Variants in CHCHD6 observed in about 807,000 individuals in gnomAD.
The protein encoded by CHCHD6 is coiled-coil-helix-coiled-coil-helix domain containing 6.
CHCHD6 carries 28 observed loss-of-function variants against 32.3 expected under a neutral mutation model. The ratio of observed to expected loss-of-function variants is 0.87; its 90% CI spans 0.64 to 1.19. The LOEUF is 1.19. Ranked by LOEUF, CHCHD6 falls within the 50% of genes most tolerant of loss-of-function variation. The pLI is 0.00. For synonymous variants in CHCHD6, 122 were observed against 117.5 expected (o/e 1.04, Z -0.25); for missense variants, 333 against 307.0 (o/e 1.08, Z -0.63).
At chr3:126,729,656 A>G (rs1002376624) in intron 2 of CHCHD6, among the ~76,000 whole-genome samples, 3 of 151,922 alleles carry the variant, frequency 2.0e-5, no homozygotes, top group African/African-American at 7.3e-5. Context: ...CTCCCATGAG[A>G]GGTGGTTTGA....
chr3:126,803,781 C>T (rs527770906), intron 4 of CHCHD6, among the ~76,000 whole-genome samples: 1,817 of 152,318 alleles, frequency 0.012, 21 homozygotes, highest in Middle Eastern at 0.048. Flanking sequence ...CACCACACCA[C>T]ACCTATTCCA....
At chr3:126,888,023 GTA>G (rs1195369045) in intron 5 of CHCHD6, among the ~76,000 whole-genome samples, 1 of 152,198 alleles carries the variant, frequency 6.6e-6, no homozygotes, top group Admixed American at 6.5e-5. Context: ...TTCTAGTCAT[GTA>G]TATGTGAGCG....
intron 4 of CHCHD6, among the ~76,000 whole-genome samples, chr3:126,743,334 C>G (rs1936357173): frequency 6.6e-6 from 1 of 152,112 alleles, no homozygotes; most frequent in African/African-American, 2.4e-5. Flanking sequence ...TGGAGCCTCC[C>G]CCATTACCAA....
intron 4 of CHCHD6, among the ~76,000 whole-genome samples, chr3:126,805,035 T>G (rs1428071288): frequency 6.6e-6 from 1 of 152,142 alleles, no homozygotes; most frequent in Non-Finnish European, 1.5e-5. Flanking sequence ...AAATTAGGTA[T>G]TGATGGGACG....
intron 4 of CHCHD6, among the ~76,000 whole-genome samples, chr3:126,765,377 C>T (rs933615574): frequency 2.6e-5 from 4 of 152,186 alleles, no homozygotes; most frequent in Non-Finnish European, 5.9e-5. Flanking sequence ...ACAGCGAGCT[C>T]GGGCACAGGC....
At chr3:126,844,189 C>A (rs1559876589) in intron 4 of CHCHD6, among the ~76,000 whole-genome samples, 1 of 152,148 alleles carries the variant, frequency 6.6e-6, no homozygotes, top group South Asian at 2.1e-4. Flanking sequence ...GTGTTTCCTG[C>A]TGTTGTTAGA....
chr3:126,855,376 TA>T (rs773962664), intron 5 of CHCHD6, among the ~76,000 whole-genome samples: 1 of 152,148 alleles, frequency 6.6e-6, no homozygotes, highest in African/African-American at 2.4e-5. Context: ...TGCTGGGAGT[TA>T]ATGGGAGGAT....
chr3:126,808,631 T>C (rs756627650), intron 4 of CHCHD6, among the ~76,000 whole-genome samples: 2 of 152,316 alleles, frequency 1.3e-5, no homozygotes, highest in Non-Finnish European at 2.9e-5. Flanking sequence ...ACCATGTCAA[T>C]GTAGTCTTTT....
At chr3:126,712,394 A>G (rs888177243) in intron 1 of CHCHD6, among the ~76,000 whole-genome samples, 7 of 152,170 alleles carry the variant, frequency 4.6e-5, no homozygotes, top group African/African-American at 1.7e-4. Context: ...AAATTCCATT[A>G]CATTCCTCCT....
chr3:126,926,827 ATGT>A (rs1402396287), intron 6 of CHCHD6, among the ~76,000 whole-genome samples: 1 of 152,162 alleles, frequency 6.6e-6, no homozygotes, highest in Non-Finnish European at 1.5e-5. Context: ...AGCAGTAATG[ATGT>A]TGAGAGCAGA....
At chr3:126,955,726 T>G (rs1391328443) in intron 6 of CHCHD6, among the ~76,000 whole-genome samples, 1 of 152,180 alleles carries the variant, frequency 6.6e-6, no homozygotes, top group African/African-American at 2.4e-5. Flanking sequence ...ACTGCTCATG[T>G]TAGCGATGGT....
chr3:126,755,305 G>A (rs1936908644), intron 4 of CHCHD6, among the ~76,000 whole-genome samples: 1 of 152,180 alleles, frequency 6.6e-6, no homozygotes, highest in African/African-American at 2.4e-5. Context: ...GCTCAGCCCT[G>A]TCACTGTATA....
At chr3:126,720,908 C>CA (rs949265276) in intron 1 of CHCHD6, among the ~76,000 whole-genome samples, 3 of 152,056 alleles carry the variant, frequency 2.0e-5, no homozygotes, top group Admixed American at 1.3e-4. Context: ...GCTACAGCCG[C>CA]AAAAAAGGAG....
intron 4 of CHCHD6, among the ~76,000 whole-genome samples, chr3:126,838,116 T>A (rs990029532): frequency 2.0e-4 from 30 of 152,214 alleles, no homozygotes; most frequent in Non-Finnish European, 4.0e-4. Context: ...AGAATGAGAC[T>A]AATTTTCATG....
intron 5 of CHCHD6, among the ~76,000 whole-genome samples, chr3:126,906,783 G>C (rs1214967878): frequency 6.6e-6 from 1 of 152,172 alleles, no homozygotes; most frequent in African/African-American, 2.4e-5. Flanking sequence ...GGTTCCTGCT[G>C]TGCTCAAGTC....
intron 4 of CHCHD6, among the ~76,000 whole-genome samples, chr3:126,744,962 G>A (rs986161280): frequency 1.3e-5 from 2 of 152,198 alleles, no homozygotes; most frequent in Non-Finnish European, 2.9e-5. Context: ...GTGGCAGAGG[G>A]CTGCTGTGCC....
At chr3:126,859,535 C>CTG (rs1941781900) in intron 5 of CHCHD6, among the ~76,000 whole-genome samples, 1 of 152,278 alleles carries the variant, frequency 6.6e-6, no homozygotes, top group East Asian at 1.9e-4. Flanking sequence ...AGTTCTGTGT[C>CTG]CTACAGAATG....
intron 1 of CHCHD6, among the ~76,000 whole-genome samples, chr3:126,722,717 T>C (rs1392460443): frequency 2.0e-5 from 3 of 152,358 alleles, no homozygotes; most frequent in African/African-American, 7.2e-5. Flanking sequence ...TTATCAGGTA[T>C]ATGATTTGTA....
At chr3:126,767,356 T>C in intron 4 of CHCHD6, 2 of 824,160 alleles carry the variant, frequency 2.4e-6, no homozygotes, top group Non-Finnish European at 2.2e-6. Context: ...TCTGCCCACA[T>C]GCTGCAGACA....
Sources: allele counts gnomAD v4.1 joint callset (sites outside exome capture counted in the v4.1 genomes callset), GRCh38; gene constraint gnomAD v4.1.1; transcripts MANE v1.5; gene names NCBI Gene and HGNC (gene_info 2026-07-23, HGNC 2026-07-21).